The following LMAN1 variants were observed in gnomAD, a reference collection of about 807,000 sequenced individuals.
The protein encoded by LMAN1 is protein ERGIC-53.
A neutral mutation model predicts 67.8 loss-of-function variants in LMAN1; 32 were observed. The ratio of observed to expected loss-of-function variants is 0.47; its 90% CI spans 0.36 to 0.63. The LOEUF (loss-of-function observed/expected upper bound fraction) is 0.63, where lower values mean the gene tolerates loss of function less well. Ranked by LOEUF, LMAN1 falls within the 30% of genes least tolerant of loss-of-function variation. The pLI is 0.00. For synonymous variants in LMAN1, 235 were observed against 219.3 expected (o/e 1.07, Z -0.63); for missense variants, 632 against 628.2 (o/e 1.01, Z -0.06).
chr18:59,345,022 C>A (rs1361507130), intron 8 of LMAN1, among the ~76,000 whole-genome samples: 1 of 152,096 alleles, frequency 6.6e-6, no homozygotes, highest in Non-Finnish European at 1.5e-5. Flanking sequence ...ACACATTTGT[C>A]AAAATTTACT....
At chr18:59,353,343 T>G in intron 4 of LMAN1, 42 bp from the exon 5 acceptor site, 3 of 1,384,074 alleles carry the variant, frequency 2.2e-6, no homozygotes, top group Non-Finnish European at 3.1e-6. Context: ...ACACTCAGCT[T>G]TTCAATATTT....
At chr18:59,347,034 T>C (rs1362070571) in intron 7 of LMAN1, among the ~76,000 whole-genome samples, 1 of 151,628 alleles carries the variant, frequency 6.6e-6, no homozygotes, top group Non-Finnish European at 1.5e-5. Context: ...ATCGAGACCA[T>C]CCTGGCTAAC....
intron 8 of LMAN1, among the ~76,000 whole-genome samples, chr18:59,343,184 T>C (rs914730457): frequency 3.3e-5 from 5 of 151,900 alleles, no homozygotes; most frequent in Non-Finnish European, 5.9e-5. Flanking sequence ...CCCATGCTCA[T>C]GAATTGGAAG....
chr18:59,333,236 A>G lies in LMAN1; in HGVS notation c.1229T>C (p.Met410Thr), dbSNP rs752864067. The G allele has an allele frequency of 6.8e-6, 11 of 1,613,162 alleles. No homozygotes were observed. Among genetic ancestry groups the G allele is most frequent in the Middle Eastern group, 1.6e-4 (1 of 6,080 alleles). Residue 410 changes from methionine to threonine, a missense_variant, in exon 11 of 13, where the codon ATG (methionine) becomes ACG (threonine). Physicochemically the swap from Met to Thr is moderately conservative, Grantham distance 81. Coordinates refer to ENST00000251047, the MANE Select transcript of LMAN1 (RefSeq NM_005570.4). Reference protein sequence around the residue: ...LRQVNEMKNSMSETVRLVSGM... With the variant: ...LRQVNEMKNSTSETVRLVSGM... ...ACTGACCAGTCTGACGGTTTCACTC[A>G]TGGAATTTCTGAAACAGAAAGTCTC...
In LMAN1 at chr18:59,329,424, C is replaced by T. The variant is rs1321566192; in HGVS notation, c.*1669G>A. ...TTTCATAGTTTACAACTTAAATATT[C>T]CTCTGAAGGTATTTAATTTTTTTTC... is the stretch of plus-strand genomic sequence containing the variant. On this transcript the variant is annotated 3_prime_UTR_variant, in exon 13 of 13. Coordinates refer to ENST00000251047, the MANE Select transcript of LMAN1 (RefSeq NM_005570.4). 1 of 152,100 alleles carries T rather than the reference C, an allele frequency of 6.6e-6. No homozygotes were observed. Among genetic ancestry groups the T allele is most frequent in the Non-Finnish European group, 1.5e-5 (1 of 68,016 alleles). 9.4% of individuals were successfully genotyped at this position (152,100 alleles called of 1,614,324 possible).
chr18:59,356,103 A>G (rs1246022771), intron 1 of LMAN1, among the ~76,000 whole-genome samples: 6 of 152,174 alleles, frequency 3.9e-5, no homozygotes, highest in African/African-American at 1.2e-4. Context: ...TGAGCAAATA[A>G]TTCTCTTATT....
chr18:59,347,678 G>A, intron 6 of LMAN1, 107 bp from the exon 7 acceptor site: 1 of 856,256 alleles, frequency 1.2e-6, no homozygotes, highest in Non-Finnish European at 1.8e-6. Flanking sequence ...AATAACCAGT[G>A]AGGGAATTGA....
In LMAN1 at chr18:59,359,142, C is replaced by T; in HGVS notation, c.103G>A (p.Gly35Arg). Residue 35 changes from glycine (G) to arginine (R), a missense_variant, in exon 1 of 13, where the codon GGA (glycine) becomes AGA (arginine). Physicochemically the swap from Gly to Arg is moderately radical, Grantham distance 125. Transcript: ENST00000251047. ...TGTGGCAACGCGACCGCGGGGTCTC[C>T]TCCCACGCCGTCGCCCCGGACGAAG... ...GRFVRGDGVG[G>R]DPAVALPHRR... 2 of 1,614,102 alleles carry T rather than the reference C, an allele frequency of 1.2e-6. No homozygotes were observed. The highest frequency in any genetic ancestry group is 1.7e-6 in the Non-Finnish European group (2 of 1,179,988).
intron 5 of LMAN1, among the ~76,000 whole-genome samples, chr18:59,351,082 G>A (rs1908533911): frequency 1.3e-5 from 2 of 152,230 alleles, no homozygotes; most frequent in African/African-American, 4.8e-5. Flanking sequence ...AAACAACTGG[G>A]ACAAGCTAGG....
chr18:59,335,871 G>C (rs983556903), intron 10 of LMAN1, among the ~76,000 whole-genome samples: 1 of 152,198 alleles, frequency 6.6e-6, no homozygotes. Context: ...TTCTCACAGG[G>C]ATACGAGCTA....
rs747955217 is a variant in LMAN1 at position 59,359,218 on chromosome 18, G to C, written c.27C>G (p.Leu9=). 264 of 1,613,938 alleles carry C rather than the reference G, an allele frequency of 1.6e-4. No homozygotes were observed. Among genetic ancestry groups the C allele is most frequent in the South Asian group, 1.4e-3 (123 of 91,048 alleles). Residue 9 remains leucine (L), a synonymous_variant, in exon 1 of 13, where the codon CTC becomes CTG. Coordinates refer to ENST00000251047, the MANE Select transcript of LMAN1 (RefSeq NM_005570.4). The part of the protein sequence containing the change: MAGSRQRG[L]RARVRPLFCA... ...AGAACAGCGGCCGAACTCTGGCCCGGAGACCCCTTTGCCTGGATCCCGCCA... is the reference window on the plus strand; with the variant it reads ...AGAACAGCGGCCGAACTCTGGCCCGCAGACCCCTTTGCCTGGATCCCGCCA...
rs971874736 is a variant in LMAN1 at position 59,327,856 on chromosome 18, A to G, written c.*3237T>C. ...AATATTTCTTTATTTGAATAAGGTC[A>G]ATGCCATTTCTTGAATTCCAGCTAG... On this transcript the variant is annotated 3_prime_UTR_variant, in exon 13 of 13. Transcript: ENST00000251047. 2.6e-5 allele frequency: 4 copies of G among 152,364 alleles called. No homozygotes were observed. The highest frequency in any genetic ancestry group is 6.8e-3 in the Middle Eastern group (2 of 294). The allele number at this position is 152,364 out of a possible 1,614,324, so 9.4% of individuals were successfully genotyped here.
In LMAN1 at chr18:59,348,610, C is replaced by G. The variant is rs1190080880; in HGVS notation, c.763+503G>C. Among the ~76,000 whole-genome samples the G allele has an allele frequency of 9.9e-5, 15 of 152,264 alleles. No homozygotes were observed. In the South Asian group the frequency reaches 2.7e-3, roughly 27 times the overall value. On this transcript the variant is annotated intron_variant, in intron 6 of 12. Transcript: ENST00000251047. ...ATTGACGTTGAATGGTAATTTATCA[C>G]CTTATGTGGAAAAAAATGGTAACTA...
At position 59,347,511 on chromosome 18, in the gene LMAN1, A is replaced by G. The variant is rs1335044926; in HGVS notation, c.822+2T>C. The G allele has an allele frequency of 1.2e-6, 2 of 1,607,466 alleles. No individual in the cohort carries two copies. The highest frequency in any genetic ancestry group is 1.7e-6 in the Non-Finnish European group (2 of 1,175,362). ...AGTTTTTGAAAATATGTGTAAAATTACCGGCTCTTTTCCAGGTTCAGTCAA... is the reference window on the plus strand; with the variant it reads ...AGTTTTTGAAAATATGTGTAAAATTGCCGGCTCTTTTCCAGGTTCAGTCAA... On this transcript the variant is annotated splice_donor_variant, in intron 7 of 12. Transcript: ENST00000251047. LOFTEE classifies it high-confidence loss of function.
At chr18:59,337,005 T>C (rs1382028091) in intron 10 of LMAN1, among the ~76,000 whole-genome samples, 1 of 151,664 alleles carries the variant, frequency 6.6e-6, no homozygotes, top group Non-Finnish European at 1.5e-5. Context: ...GAGCAGAAGG[T>C]TGAAATGGAT....
chr18:59,356,611 G>A (rs1908665424), intron 1 of LMAN1, among the ~76,000 whole-genome samples: 1 of 152,178 alleles, frequency 6.6e-6, no homozygotes, highest in African/African-American at 2.4e-5. Context: ...AAAAAGGAAA[G>A]CTGAGATACT....
rs375014358 is a variant in LMAN1 at position 59,333,082 on chromosome 18, C to T, written c.1374+9G>A. On this transcript the variant is annotated intron_variant, in intron 11 of 12. Transcript: ENST00000251047. ...TTATAATTATAAAAGGAAAAGGAAA[C>T]AAAGTTACCATATTTCGCTGCACTA... 31 of 1,609,396 alleles carry T rather than the reference C, an allele frequency of 1.9e-5. No homozygotes were observed. The highest frequency in any genetic ancestry group is 1.7e-4 in the Middle Eastern group (1 of 6,060).
intron 1 of LMAN1, among the ~76,000 whole-genome samples, chr18:59,358,698 C>T (rs1204077548): frequency 1.3e-5 from 2 of 151,984 alleles, no homozygotes; most frequent in African/African-American, 2.4e-5. Context: ...AAACATGATA[C>T]CTAGAAGCAA....
intron 1 of LMAN1, 100 bp from the exon 2 acceptor site, chr18:59,355,758 C>T (rs1388730951): frequency 2.2e-6 from 3 of 1,334,968 alleles, no homozygotes; most frequent in Non-Finnish European, 3.2e-6. Flanking sequence ...ACTTAGTAAC[C>T]TGTACAATAA....
Sources: allele counts gnomAD v4.1 joint callset (sites outside exome capture counted in the v4.1 genomes callset), GRCh38; gene constraint gnomAD v4.1.1; transcripts MANE v1.5; gene names NCBI Gene and HGNC (gene_info 2026-07-23, HGNC 2026-07-21).